The following ANO3 variants were observed in gnomAD, a reference collection of about 807,000 sequenced individuals.
The protein encoded by ANO3 is anoctamin-3.
A neutral mutation model predicts 144.8 loss-of-function variants in ANO3; 99 were observed. The ratio of observed to expected loss-of-function variants is 0.68; its 90% CI spans 0.58 to 0.81. The LOEUF (loss-of-function observed/expected upper bound fraction) is 0.81. Among genes scored for constraint, ANO3 ranks in the 30% least tolerant of loss-of-function variants. The pLI is 0.00. For synonymous variants in ANO3, 414 were observed against 392.6 expected (o/e 1.05, Z -0.64); for missense variants, 905 against 1,202.2 (o/e 0.75, Z 3.66).
chr11:26,275,503 A>G (rs1853538558), intron 1 of ANO3, among the ~76,000 whole-genome samples: 1 of 152,124 alleles, frequency 6.6e-6, no homozygotes, highest in African/African-American at 2.4e-5. Context: ...AAAATCCTAC[A>G]AACACATCTG....
chr11:26,387,495 A>G (rs1856766335), intron 1 of ANO3, among the ~76,000 whole-genome samples: 1 of 138,494 alleles, frequency 7.2e-6, no homozygotes, highest in African/African-American at 3.0e-5. Flanking sequence ...TAATTTCTAA[A>G]GTTACTTCGT....
intron 20 of ANO3, among the ~76,000 whole-genome samples, chr11:26,635,547 A>T (rs546002445): frequency 3.9e-5 from 6 of 152,158 alleles, no homozygotes; most frequent in African/African-American, 1.2e-4. Flanking sequence ...GGGTTACAGG[A>T]TAAGCATATT....
intron 1 of ANO3, among the ~76,000 whole-genome samples, chr11:26,431,443 T>A (rs116931524): frequency 5.6e-4 from 86 of 152,318 alleles, no homozygotes; most frequent in Non-Finnish European, 9.7e-4. Flanking sequence ...GGGATACATG[T>A]GTAGGTTTGT....
intron 1 of ANO3, among the ~76,000 whole-genome samples, chr11:26,194,360 A>G (rs922426253): frequency 1.3e-5 from 2 of 151,958 alleles, no homozygotes; most frequent in Admixed American, 1.3e-4. Flanking sequence ...ACATTAAAGA[A>G]GGACTTGGTA....
chr11:26,556,527 C>A (rs977843819), intron 13 of ANO3, among the ~76,000 whole-genome samples: 47 of 151,752 alleles, frequency 3.1e-4, no homozygotes, highest in African/African-American at 1.1e-3. Flanking sequence ...GTTAAAAAAG[C>A]AGATTTCTGG....
intron 17 of ANO3, among the ~76,000 whole-genome samples, chr11:26,622,326 G>A (rs1852440041): frequency 6.6e-6 from 1 of 151,926 alleles, no homozygotes; most frequent in Non-Finnish European, 1.5e-5. Context: ...AATTTGAATA[G>A]GGCTGGGCGT....
At chr11:26,518,895 T>A (rs1861961204) in intron 6 of ANO3, among the ~76,000 whole-genome samples, 1 of 152,214 alleles carries the variant, frequency 6.6e-6, no homozygotes, top group South Asian at 2.1e-4. Context: ...AGTGGGATTG[T>A]GGTTCTCAGT....
At chr11:26,280,948 A>C (rs1564946720) in intron 1 of ANO3, among the ~76,000 whole-genome samples, 1 of 152,184 alleles carries the variant, frequency 6.6e-6, no homozygotes, top group Non-Finnish European at 1.5e-5. Context: ...GAGATCTGAC[A>C]GGCTCATTCT....
In ANO3 at chr11:26,505,011, CAAAAAAAAAAAAAAAA is replaced by C. The variant is rs61530995; in HGVS notation, c.433-3080_433-3065del. On this transcript the variant is annotated intron_variant, in intron 4 of 26. Transcript: ENST00000256737. Reference sequence around the variant, plus strand: ...TAGGCGACAGAGCGAGACTCCACCTCAAAAAAAAAAAAAAAAAAAAAAAAAAAAGAAGAGAAAAGGT... The same window carrying C: ...TAGGCGACAGAGCGAGACTCCACCTCAAAAAAAAAAAAGAAGAGAAAAGGT... 6.4e-4 allele frequency among the ~76,000 whole-genome samples: 41 copies of C among 63,688 alleles called. 1 individual carries two copies. Among genetic ancestry groups the C allele is most frequent in the Middle Eastern group, 0.013 (1 of 80 alleles). The allele number at this position is 63,688 out of a possible 152,430, so 41.8% of individuals were successfully genotyped here.
At chr11:26,609,685 G>T (rs1852038432) in intron 17 of ANO3, among the ~76,000 whole-genome samples, 1 of 151,818 alleles carries the variant, frequency 6.6e-6, no homozygotes, top group South Asian at 2.1e-4. Context: ...ATTGTAAATT[G>T]TGCTGCAATA....
chr11:26,240,333 T>G (rs1852635837), intron 1 of ANO3, among the ~76,000 whole-genome samples: 2 of 152,176 alleles, frequency 1.3e-5, no homozygotes, highest in Non-Finnish European at 1.5e-5. Context: ...AAAATTGCAA[T>G]TAAAGTACTA....
intron 1 of ANO3, among the ~76,000 whole-genome samples, chr11:26,274,866 T>C (rs1168898842): frequency 6.6e-6 from 1 of 151,926 alleles, no homozygotes; most frequent in African/African-American, 2.4e-5. Flanking sequence ...TGTATGGATA[T>C]GAAAGGAAAC....
chr11:26,301,293 C>T (rs2133862917), intron 1 of ANO3, among the ~76,000 whole-genome samples: 1 of 152,260 alleles, frequency 6.6e-6, no homozygotes, highest in South Asian at 2.1e-4. Flanking sequence ...TGTCCTAATT[C>T]TGACATTGCC....
At chr11:26,478,740 G>GA (rs1303327331) in intron 4 of ANO3, among the ~76,000 whole-genome samples, 2 of 151,808 alleles carry the variant, frequency 1.3e-5, no homozygotes, top group African/African-American at 2.4e-5. Context: ...TGTCTGTCTT[G>GA]AAAAAAAATC....
At chr11:26,435,520 T>A (rs552973144) in intron 1 of ANO3, among the ~76,000 whole-genome samples, 2 of 152,336 alleles carry the variant, frequency 1.3e-5, no homozygotes, top group African/African-American at 4.8e-5. Context: ...CCTCATCCCT[T>A]TTAGGGATTC....
chr11:26,471,070 T>A (rs958670948), intron 4 of ANO3, among the ~76,000 whole-genome samples: 1 of 151,978 alleles, frequency 6.6e-6, no homozygotes, highest in African/African-American at 2.4e-5. Context: ...ATTATCTAAT[T>A]TAAGTTTCAC....
chr11:26,339,337 T>A (rs1489240300), intron 1 of ANO3, among the ~76,000 whole-genome samples: 2 of 152,056 alleles, frequency 1.3e-5, no homozygotes, highest in African/African-American at 4.8e-5. Flanking sequence ...GTATTTTTAG[T>A]AGAGATGGGA....
intron 13 of ANO3, among the ~76,000 whole-genome samples, chr11:26,554,493 A>G (rs1413005669): frequency 1.3e-5 from 2 of 152,158 alleles, no homozygotes; most frequent in Non-Finnish European, 2.9e-5. Flanking sequence ...TAGCCTATGA[A>G]AACCCTGTTA....
At chr11:26,227,374 G>C (rs1198525536) in intron 1 of ANO3, among the ~76,000 whole-genome samples, 7 of 152,090 alleles carry the variant, frequency 4.6e-5, no homozygotes, top group Non-Finnish European at 1.0e-4. Context: ...CTTCCTTTGA[G>C]CAACTGCTTT....
Sources: allele counts gnomAD v4.1 joint callset (sites outside exome capture counted in the v4.1 genomes callset), GRCh38; gene constraint gnomAD v4.1.1; transcripts MANE v1.5; gene names NCBI Gene and HGNC (gene_info 2026-07-23, HGNC 2026-07-21).